PHLDB2: variants seen among roughly 807,000 people sequenced by gnomAD.
The protein encoded by PHLDB2 is pleckstrin homology-like domain family B member 2.
Under a neutral mutation model 123.6 loss-of-function variants are expected in PHLDB2, and 71 were observed. The observed-to-expected ratio is 0.57, with a 90% CI of 0.47 to 0.70. The LOEUF (loss-of-function observed/expected upper bound fraction) is 0.70. Ranked by LOEUF, PHLDB2 falls within the 30% of genes least tolerant of loss-of-function variation. The pLI is 0.00. For missense variants in PHLDB2, 1,446 were observed against 1,519.5 expected (o/e 0.95, Z 0.80); for synonymous variants, 547 against 541.6 (o/e 1.01, Z -0.14).
chr3:111,911,637 A>G (rs1234865076), intron 2 of PHLDB2: 8 of 1,535,996 alleles, frequency 5.2e-6, no homozygotes, highest in Non-Finnish European at 7.0e-6. Flanking sequence ...CCAAGATGAG[A>G]GTGTGTAGCT....
chr3:111,908,036 T>C (rs1286941352), intron 2 of PHLDB2, among the ~76,000 whole-genome samples: 5 of 152,186 alleles, frequency 3.3e-5, no homozygotes, highest in Non-Finnish European at 7.3e-5. Context: ...GCATTACTGA[T>C]TGATCAGTTT....
rs896398116 is a variant in PHLDB2 at position 111,924,561 on chromosome 3, G to A, written c.2001+4142G>A. The stretch of plus-strand genomic sequence containing the variant: ...TATGCCAGGAGGCCTGTAGTCACAC[G>A]GCCCATCATGCCAAAGCGTAAGACA... On this transcript the variant is annotated intron_variant, in intron 5 of 17. Coordinates refer to ENST00000431670, the MANE Select transcript of PHLDB2 (RefSeq NM_001134438.2). Among the ~76,000 whole-genome samples the A allele has an allele frequency of 1.5e-4, 23 of 152,142 alleles. 1 individual carries two copies. The highest frequency in any genetic ancestry group is 1.2e-4 in the Non-Finnish European group (8 of 67,972).
chr3:111,853,421 T>C (rs1199060614), intron 2 of PHLDB2, among the ~76,000 whole-genome samples: 3 of 152,164 alleles, frequency 2.0e-5, no homozygotes, highest in Admixed American at 2.0e-4. Context: ...AAATTGGAAC[T>C]GAACTTATAT....
intron 10 of PHLDB2, among the ~76,000 whole-genome samples, chr3:111,950,325 A>T (rs2070628207): frequency 6.6e-6 from 1 of 152,050 alleles, no homozygotes; most frequent in Admixed American, 6.6e-5. Context: ...TAAACGTTTT[A>T]CTCCCTTAAT....
At chr3:111,966,949 TTG>T (rs2071811895) in intron 14 of PHLDB2, among the ~76,000 whole-genome samples, 1 of 151,794 alleles carries the variant, frequency 6.6e-6, no homozygotes, top group African/African-American at 2.4e-5. Context: ...AATGAACACT[TTG>T]TGTTTTTTTG....
chr3:111,843,048 G>T (rs911182459), intron 1 of PHLDB2, among the ~76,000 whole-genome samples: 1 of 152,084 alleles, frequency 6.6e-6, no homozygotes, highest in Non-Finnish European at 1.5e-5. Flanking sequence ...TACAAATAAC[G>T]ACACCATGAA....
chr3:111,932,278 A>G lies in PHLDB2; in HGVS notation c.2011A>G (p.Lys671Glu). ...IVGEKTKEKV[K>E]LDAEREKLER... is the part of the protein sequence containing the mutation. The stretch of plus-strand genomic sequence containing the variant: ...GGTTTCTGAACTTCAGGAGAAGGTA[A>G]AGCTTGATGCTGAAAGGGAAAAACT... The change falls in exon 6 of 18, where the codon AAG becomes GAG. Residue 671 changes from lysine to glutamate, a missense_variant. By Grantham distance (56) the Lys-to-Glu change is moderately conservative. This residue lies in a region of PHLDB2 where 832 missense variants were observed against 831.9 expected (regional missense o/e 1.00). Coordinates refer to ENST00000431670, the MANE Select transcript of PHLDB2 (RefSeq NM_001134438.2). The G allele has an allele frequency of 6.4e-7, 1 of 1,551,174 alleles. No homozygotes were observed. The highest frequency in any genetic ancestry group is 8.7e-7 in the Non-Finnish European group (1 of 1,146,630).
At chr3:111,854,130 A>G (rs2064380427) in intron 2 of PHLDB2, among the ~76,000 whole-genome samples, 1 of 152,204 alleles carries the variant, frequency 6.6e-6, no homozygotes, top group Non-Finnish European at 1.5e-5. Context: ...GGGCAGCAGG[A>G]CAGAATGAAT....
At chr3:111,772,699 G>T (rs1015802198) in intron 1 of PHLDB2, among the ~76,000 whole-genome samples, 3 of 152,158 alleles carry the variant, frequency 2.0e-5, no homozygotes, top group African/African-American at 4.8e-5. Flanking sequence ...AAAGGTTGCC[G>T]CAAGAGAATA....
chr3:111,748,112 G>C (rs887037184), intron 1 of PHLDB2, among the ~76,000 whole-genome samples: 1 of 141,948 alleles, frequency 7.0e-6, no homozygotes, highest in East Asian at 2.1e-4. Flanking sequence ...AAGAATGCTG[G>C]TGAATGAGGC....
rs1162383157 is a variant in PHLDB2, at chr3:111,811,330, T to C, written c.-48-34491T>C. On this transcript the variant is annotated intron_variant, in intron 1 of 17. Transcript: ENST00000393923. ...GAGTCCAAGTCTCTTCATGAAATCA[T>C]TTTAAAAAATGTATTCTACTGTGGT... Among the ~76,000 whole-genome samples, 14 of 152,256 alleles carry C rather than the reference T, an allele frequency of 9.2e-5. No homozygotes were observed. The East Asian group carries it at 2.5e-3, about 27-fold the overall frequency.
chr3:111,880,097 C>T (rs776530792), intron 1 of PHLDB2, among the ~76,000 whole-genome samples: 1 of 150,302 alleles, frequency 6.7e-6, no homozygotes, highest in Non-Finnish European at 1.5e-5. Context: ...ACAGTTTTCT[C>T]CAGCGGATAT....
chr3:111,886,023 T>G (rs1311070914), intron 2 of PHLDB2, among the ~76,000 whole-genome samples: 1 of 152,180 alleles, frequency 6.6e-6, no homozygotes, highest in African/African-American at 2.4e-5. Flanking sequence ...TAAAATGAAT[T>G]TATACTTATT....
chr3:111,949,940 A>G (rs1271161107), intron 10 of PHLDB2: 1 of 958,370 alleles, frequency 1.0e-6, no homozygotes, highest in African/African-American at 1.8e-5. Flanking sequence ...TTGACAACGA[A>G]ATTACTTATG....
chr3:111,834,340 AAT>A (rs1377095354), intron 1 of PHLDB2, among the ~76,000 whole-genome samples: 1 of 141,074 alleles, frequency 7.1e-6, no homozygotes, highest in Non-Finnish European at 1.5e-5. Flanking sequence ...CATTATATAT[AAT>A]ATATATATCA....
intron 1 of PHLDB2, among the ~76,000 whole-genome samples, chr3:111,866,033 T>TTTTTTTTTTTTG (rs2065060682): frequency 7.4e-6 from 1 of 135,116 alleles, no homozygotes; most frequent in Non-Finnish European, 1.6e-5. Flanking sequence ...TTTTTTTTTT[T>TTTTTTTTTTTTG]TTTTTGGAGA....
At chr3:111,757,184 G>T (rs555102838) in intron 1 of PHLDB2, among the ~76,000 whole-genome samples, 14 of 152,284 alleles carry the variant, frequency 9.2e-5, no homozygotes, top group Admixed American at 9.2e-4. Context: ...TCCTTAATCT[G>T]AATGTTGGCC....
intron 1 of PHLDB2, among the ~76,000 whole-genome samples, chr3:111,737,967 C>T (rs2059538407): frequency 1.3e-5 from 2 of 152,028 alleles, no homozygotes; most frequent in African/African-American, 4.8e-5. Context: ...GAAGAGAAAA[C>T]CCAGGAGAGG....
intron 1 of PHLDB2, among the ~76,000 whole-genome samples, chr3:111,763,954 C>T (rs146744843): frequency 3.3e-5 from 5 of 152,204 alleles, no homozygotes; most frequent in Non-Finnish European, 5.9e-5. Flanking sequence ...CCCGAACAGA[C>T]GAAGACAAGC....
Sources: allele counts gnomAD v4.1 joint callset (sites outside exome capture counted in the v4.1 genomes callset), GRCh38; gene constraint gnomAD v4.1.1; regional missense constraint gnomAD v4.1.1; transcripts MANE v1.5; gene names NCBI Gene and HGNC (gene_info 2026-07-23, HGNC 2026-07-21).